BBOF1: variants seen among roughly 807,000 people sequenced by gnomAD.
BBOF1 encodes the protein basal body-orientation factor 1.
A neutral mutation model predicts 68.0 loss-of-function variants in BBOF1; 62 were observed. The ratio of observed to expected loss-of-function variants is 0.91; its 90% confidence interval spans 0.74 to 1.13. BBOF1 has a LOEUF of 1.13. Among genes scored for constraint, BBOF1 ranks in the 50% most tolerant of loss-of-function variants. The pLI, the probability that BBOF1 is intolerant of heterozygous loss-of-function variation, is 0.00. For missense variants in BBOF1, 534 were observed against 600.1 expected, an observed-to-expected ratio of 0.89 and a Z score of 1.15; for synonymous variants, 208 against 198.8, an observed-to-expected ratio of 1.05 and a Z score of -0.39.
At chr14:74,080,021 G>A (rs1449951556) in intron 10 of BBOF1, among the ~76,000 whole-genome samples, 1 of 152,104 alleles carries the variant, frequency 6.6e-6, no homozygotes, top group Non-Finnish European at 1.5e-5. Context: ...CTGGGTGACA[G>A]AGCGAGACCC....
At chr14:74,057,407 A>C in intron 11 of BBOF1, 149 bp downstream of exon 11, 2 of 1,529,206 alleles carry the variant, frequency 1.3e-6, no homozygotes, top group Non-Finnish European at 1.8e-6. Flanking sequence ...AGATTACATA[A>C]ATTTTTAAAG....
intron 9 of BBOF1, among the ~76,000 whole-genome samples, chr14:74,074,166 G>A (rs1309084122): frequency 6.6e-6 from 1 of 151,590 alleles, no homozygotes; most frequent in East Asian, 2.0e-4. Flanking sequence ...TTGTAGAGAT[G>A]GGGTTTCACC....
intron 2 of BBOF1, among the ~76,000 whole-genome samples, chr14:74,027,658 T>C (rs1214960460): frequency 6.6e-6 from 1 of 152,144 alleles, no homozygotes; most frequent in African/African-American, 2.4e-5. Context: ...CTTAACCAAC[T>C]GGTTAAAATT....
intron 1 of BBOF1, among the ~76,000 whole-genome samples, chr14:74,022,622 G>A (rs902375011): frequency 6.6e-6 from 1 of 152,142 alleles, no homozygotes; most frequent in African/African-American, 2.4e-5. Context: ...TGTTTTACCA[G>A]TCTTTTCGAG....
In BBOF1 at chr14:74,043,593, C is replaced by T. The variant is rs555006987; in HGVS notation, c.577-2467C>T. On this transcript the variant is annotated intron_variant, in intron 5 of 11. Transcript: ENST00000394009. ...AAAAAAAAAAAAAAAAAGACAGAGTCTCACTTTGTCACCTAGGTTGGAGTG... is the reference window on the plus strand; with the variant it reads ...AAAAAAAAAAAAAAAAAGACAGAGTTTCACTTTGTCACCTAGGTTGGAGTG... 3.5e-5 allele frequency among the ~76,000 whole-genome samples: 5 copies of T among 142,994 alleles called. No homozygotes were observed. The South Asian group carries it at 1.2e-3, about 35-fold the overall frequency. The allele number at this position is 142,994 out of a possible 152,430, so 93.8% of individuals were successfully genotyped here.
downstream of BBOF1, chr14:74,066,721 ATGGT>A: frequency 6.2e-7 from 1 of 1,614,114 alleles, no homozygotes; most frequent in Non-Finnish European, 8.5e-7. Context: ...ATTCGAGATG[ATGGT>A]TGGTCCAACA....
chr14:74,068,915 C>T (rs1369374598), downstream of BBOF1: 1 of 1,613,906 alleles, frequency 6.2e-7, no homozygotes, highest in African/African-American at 1.3e-5. Context: ...GATATACTCT[C>T]CTGCCTTGTT....
rs753631045 is a variant in BBOF1, at chr14:74,034,040, A to G, written c.364A>G (p.Thr122Ala). The stretch of plus-strand genomic sequence containing the variant: ...TTTTTGAATACAGGAACAAAAGTAT[A>G]CCAGGCAAATTAATGAACTAGAGGG... ...EEKDKLEQKY[T>A]RQINELEGQF... The change falls in exon 4 of 12, where the codon ACC (threonine) becomes GCC (alanine). Residue 122 changes from threonine to alanine, a missense_variant. Thr to Ala is a moderately conservative substitution (Grantham distance 58). Transcript: ENST00000394009. 6.9e-6 allele frequency: 11 copies of G among 1,597,954 alleles called. No individual in the cohort carries two copies. Among genetic ancestry groups the G allele is most frequent in the Non-Finnish European group, 9.4e-6 (11 of 1,174,238 alleles).
intron 9 of BBOF1, chr14:74,072,551 C>A: frequency 6.2e-7 from 1 of 1,614,042 alleles, no homozygotes; most frequent in South Asian, 1.1e-5. Context: ...TTGTGGATAT[C>A]GATCCATTTG....
At position 74,065,569 on chromosome 14, in the gene BBOF1, G is replaced by T; in HGVS notation, c.*870G>T. 1.8e-6 allele frequency: 1 copy of T among 570,454 alleles called. No individual in the cohort carries two copies. 35.3% of individuals were successfully genotyped at this position (570,454 alleles called of 1,614,324 possible). ...AGTTACCAATCATATAAACAACTTG[G>T]AATTCCTATCAACAATAACCACACT... On this transcript the variant is annotated 3_prime_UTR_variant, in exon 12 of 12. Transcript: ENST00000394009.
chr14:74,054,795 C>T (rs2060147853), intron 8 of BBOF1: 2 of 168,002 alleles, frequency 1.2e-5, no homozygotes, highest in Non-Finnish European at 2.6e-5. Context: ...TCTCCTGCCT[C>T]GGCCTCCTGA....
At chr14:74,029,682 CA>C (rs1179777105) in intron 3 of BBOF1, among the ~76,000 whole-genome samples, 2,392 of 104,238 alleles carry the variant, frequency 0.023, 21 homozygotes, top group Middle Eastern at 0.051. Context: ...AACTTCATCT[CA>C]AAAAAAAAAA....
chr14:74,070,738 A>G (rs1265119901), downstream of BBOF1: 3 of 175,562 alleles, frequency 1.7e-5, no homozygotes, highest in East Asian at 4.9e-4. Flanking sequence ...AAAATGGAAA[A>G]ATAATACCTA....
In BBOF1 at chr14:74,065,971, TTGA is replaced by T. The variant is rs1476159443; in HGVS notation, c.*1277_*1279del. ...TTTCTACTGCACTTACATTCAACAC[TTGA>T]TGATTCACTATTATAGTAAGGATAT... On this transcript the variant is annotated 3_prime_UTR_variant, in exon 12 of 12. Coordinates refer to ENST00000394009, the MANE Select transcript of BBOF1 (RefSeq NM_025057.3). 1 of 156,394 alleles carries T rather than the reference TTGA, an allele frequency of 6.4e-6. No individual in the cohort carries two copies. The highest frequency in any genetic ancestry group is 2.4e-5 in the African/African-American group (1 of 41,474). The allele number at this position is 156,394 out of a possible 1,614,324, so 9.7% of individuals were successfully genotyped here.
At position 74,056,927 on chromosome 14, in the gene BBOF1, G is replaced by A. The variant is rs1356352204; in HGVS notation, c.1410G>A (p.Arg470=). 1.2e-6 allele frequency: 2 copies of A among 1,613,696 alleles called. No homozygotes were observed. The highest frequency in any genetic ancestry group is 1.7e-5 in the Admixed American group (1 of 59,932). ...ACAGGAAATACAACCAGAGTTCTAG[G>A]CCTCCAGTTCCAGACTATGTTGTTT... ...CPSRKYNQSS[R]PPVPDYVVSD... The change falls in exon 10 of 12, where the codon AGG becomes AGA. Residue 470 remains arginine, a synonymous_variant. Transcript: ENST00000394009.
In BBOF1 at chr14:74,022,949, C is replaced by A. The variant is rs770686827; in HGVS notation, c.90C>A (p.Asp30Glu). ...KLIKTDESVV[D>E]RAKANASLWE... Reference sequence around the variant, plus strand: ...TAAAAACAGATGAATCTGTGGTGGACAGAGCCAAGGCCAATGCCTCCCTTT... The same window carrying A: ...TAAAAACAGATGAATCTGTGGTGGAAAGAGCCAAGGCCAATGCCTCCCTTT... Residue 30 changes from aspartate to glutamate, a missense_variant, in exon 2 of 12, where the codon GAC (aspartate) becomes GAA (glutamate). Transcript: ENST00000394009. The A allele has an allele frequency of 6.2e-7, 1 of 1,612,864 alleles. No individual in the cohort carries two copies. The highest frequency in any genetic ancestry group is 1.7e-5 in the Admixed American group (1 of 59,856).
In BBOF1 at chr14:74,029,134, CAT is replaced by C; in HGVS notation, c.286-48_286-47del. 3 of 1,137,622 alleles carry C rather than the reference CAT, an allele frequency of 2.6e-6. No homozygotes were observed. In the South Asian group the frequency reaches 4.0e-5, roughly 15 times the overall value. 70.5% of individuals were successfully genotyped at this position (1,137,622 alleles called of 1,614,324 possible). A position where few individuals can be genotyped will look rare whatever the true frequency, so the allele number is the denominator to read the frequency against. Reference sequence around the variant, plus strand: ...AACTAGTCTACTTAATAAAGGTAGACATAGAGCAGTTTCTTTATCTTCATGAC... The same window carrying C: ...AACTAGTCTACTTAATAAAGGTAGACAGAGCAGTTTCTTTATCTTCATGAC... On this transcript the variant is annotated intron_variant, in intron 2 of 11. Transcript: ENST00000394009.
At position 74,039,624 on chromosome 14, in the gene BBOF1, C is replaced by T. The variant is rs539121590; in HGVS notation, c.496-941C>T. On this transcript the variant is annotated intron_variant, in intron 4 of 11. Transcript: ENST00000394009. ...TTTTTTTTTTTGTATTTAGTAGAGA[C>T]GGGGGTTTCACCATGTTGGTCAGGC... 1.2e-3 allele frequency among the ~76,000 whole-genome samples: 173 copies of T among 149,576 alleles called. 1 individual carries two copies. Among genetic ancestry groups the T allele is most frequent in the African/African-American group, 3.0e-3 (120 of 40,496 alleles).
At chr14:74,044,621 C>A (rs781212027) in intron 5 of BBOF1, among the ~76,000 whole-genome samples, 1 of 151,854 alleles carries the variant, frequency 6.6e-6, no homozygotes, top group Non-Finnish European at 1.5e-5. Context: ...CACCACCATG[C>A]CGAATTAAAA....
Sources: gnomAD v4.1 joint callset for allele counts (sites outside exome capture counted in the v4.1 genomes callset) on GRCh38, gnomAD v4.1.1 for gene constraint, MANE v1.5 for transcripts, NCBI Gene and HGNC (gene_info 2026-07-23, HGNC 2026-07-21) for gene names.